The following BPTF variants were observed in gnomAD, a reference collection of about 807,000 sequenced individuals.
BPTF encodes nucleosome-remodeling factor subunit BPTF.
A neutral mutation model predicts 292.5 loss-of-function variants in BPTF; 18 were observed. That is an observed-to-expected ratio of 0.06 (90% CI 0.04 to 0.09). The LOEUF (loss-of-function observed/expected upper bound fraction) is 0.09. Among genes scored for constraint, BPTF ranks in the 10% least tolerant of loss-of-function variants. The pLI is 1.00. For synonymous variants in BPTF, 1,225 were observed against 1,251.9 expected (o/e 0.98, Z 0.45); for missense variants, 2,726 against 3,498.7 (o/e 0.78, Z 5.57).
Position 67,854,278 on chromosome 17 carries a change from C to T in BPTF, c.952C>T (p.Leu318=). 2 of 1,614,214 alleles carry T rather than the reference C, an allele frequency of 1.2e-6. No homozygotes were observed. Among genetic ancestry groups the T allele is most frequent in the East Asian group, 2.2e-5 (1 of 44,892 alleles). ...ADLKDSVNST[L]YFIDGMTWPE... ...TCTGAAAGATAGCGTTAATTCCACA[C>T]TGTATTTCATAGATGGGATGACGTG... The change falls in exon 2 of 28, where the codon CTG becomes TTG. Residue 318 remains leucine (L), a synonymous_variant. Coordinates refer to ENST00000306378, the MANE Select transcript of BPTF (RefSeq NM_182641.4). This position sits in a 1 kb window ranked among gnomAD's most constrained non-coding sequence, Gnocchi z 5.6.
intron 23 of BPTF, among the ~76,000 whole-genome samples, chr17:67,949,237 C>T (rs921312334): frequency 1.3e-5 from 2 of 152,006 alleles, no homozygotes; most frequent in Non-Finnish European, 2.9e-5. Context: ...TGGTGGCATA[C>T]GCCTGTAGTC....
At chr17:67,877,921 A>G (rs2060146349) in intron 4 of BPTF, among the ~76,000 whole-genome samples, 2 of 152,234 alleles carry the variant, frequency 1.3e-5, no homozygotes, top group Admixed American at 1.3e-4. Flanking sequence ...GGCATGAGCT[A>G]CTGCACCCAG....
chr17:67,931,946 C>G lies in BPTF; in HGVS notation c.6186C>G (p.Thr2062=), dbSNP rs751352098. Residue 2062 remains threonine (T), a synonymous_variant, in exon 18 of 28, where the codon ACC becomes ACG. Coordinates refer to ENST00000306378, the MANE Select transcript of BPTF (RefSeq NM_182641.4). ...GGCCTCAGATTCGCCCTGGTATGAC[C>G]GTGATTAGAACACCACTCCAACAGT... ...ITGPQIRPGM[T]VIRTPLQQST... is the part of the protein sequence containing the mutation. 6.2e-7 allele frequency: 1 copy of G among 1,613,724 alleles called. No homozygotes were observed. The highest frequency in any genetic ancestry group is 2.2e-5 in the East Asian group (1 of 44,854).
chr17:67,878,606 A>T (rs2060189350), intron 4 of BPTF, among the ~76,000 whole-genome samples: 1 of 152,114 alleles, frequency 6.6e-6, no homozygotes, highest in Non-Finnish European at 1.5e-5. Flanking sequence ...GCTAGTGGGC[A>T]TGTAGGGATA....
intron 17 of BPTF, among the ~76,000 whole-genome samples, chr17:67,930,459 A>G (rs989440617): frequency 4.6e-5 from 7 of 151,774 alleles, no homozygotes; most frequent in Admixed American, 1.3e-4. Flanking sequence ...TCGGCCTCCC[A>G]AAGTGCTGGG....
Position 67,939,857 on chromosome 17 carries a change from G to A in BPTF, c.6260-582G>A, listed in dbSNP as rs555696137. Among the ~76,000 whole-genome samples the A allele has an allele frequency of 1.1e-4, 16 of 152,338 alleles. No homozygotes were observed. In the East Asian group the frequency reaches 2.5e-3, roughly 24 times the overall value. On this transcript the variant is annotated intron_variant, in intron 18 of 27. Coordinates refer to ENST00000306378, the MANE Select transcript of BPTF (RefSeq NM_182641.4). ...ATCACGCCACCGCACTCCAGCCTGG[G>A]CGACAGAGCGAGACTCCGTCTCAAA...
At position 67,870,360 on chromosome 17, in the gene BPTF, G is replaced by A. The variant is rs111597099; in HGVS notation, c.1660+3673G>A. On this transcript the variant is annotated intron_variant, in intron 3 of 27. Coordinates refer to ENST00000306378, the MANE Select transcript of BPTF (RefSeq NM_182641.4). The stretch of plus-strand genomic sequence containing the variant: ...ATTGTTGGGGAAGAGAAGGGGACAC[G>A]GACATTTTTGGGTGCCTCCTGTGGG... Among the ~76,000 whole-genome samples the A allele has an allele frequency of 1.9e-3, 283 of 151,794 alleles. 2 individuals are homozygous for A. The highest frequency in any genetic ancestry group is 6.3e-3 in the African/African-American group (261 of 41,364).
Position 67,959,645 on chromosome 17 carries a change from T to TCCAGCCCCTCCAGCCCCC in BPTF, c.8048_8049insCCCAGCCCCTCCAGCCCC (p.Ala2679_Pro2684dup). On this transcript the variant is annotated inframe_insertion, in exon 24 of 28. Transcript: ENST00000306378. The stretch of plus-strand genomic sequence containing the variant: ...CCTGCCCCCCAGTGACACCAGCTCC[T>TCCAGCCCCTCCAGCCCCC]CCAGCCCCTCCAGCCCCTCCACCTT... 2 of 1,600,376 alleles carry TCCAGCCCCTCCAGCCCCC rather than the reference T, an allele frequency of 1.2e-6. No individual in the cohort carries two copies. Among genetic ancestry groups the TCCAGCCCCTCCAGCCCCC allele is most frequent in the Non-Finnish European group, 1.7e-6 (2 of 1,174,262 alleles).
At chr17:67,844,801 T>C (rs1002121707) in intron 1 of BPTF, among the ~76,000 whole-genome samples, 3 of 152,168 alleles carry the variant, frequency 2.0e-5, no homozygotes, top group Middle Eastern at 3.4e-3. Context: ...TGGAGTGCAA[T>C]GGCATGATCT....
intron 1 of BPTF, among the ~76,000 whole-genome samples, chr17:67,845,426 C>A (rs1436802847): frequency 6.6e-6 from 1 of 152,198 alleles, no homozygotes; most frequent in Non-Finnish European, 1.5e-5. Flanking sequence ...TTCTTCCTCT[C>A]TCCCTTTGGA....
At position 67,959,724 on chromosome 17, in the gene BPTF, T is replaced by C. The variant is rs1245428019; in HGVS notation, c.8110T>C (p.Leu2704=). The change falls in exon 24 of 28, where the codon TTA becomes CTA. Residue 2704 remains leucine (L), a synonymous_variant. Transcript: ENST00000306378. ...QHTGLLSTPT[L]PAASQKRKRE... ...CACAGGCCTTCTGTCCACGCCCACC[T>C]TACCTGCTGCTTCCCAGAAGAGGAA... 2.5e-6 allele frequency: 4 copies of C among 1,578,632 alleles called. No homozygotes were observed. The highest frequency in any genetic ancestry group is 3.4e-6 in the Non-Finnish European group (4 of 1,162,432).
intron 7 of BPTF, among the ~76,000 whole-genome samples, chr17:67,903,091 A>G (rs1268009721): frequency 1.3e-5 from 2 of 152,232 alleles, no homozygotes; most frequent in East Asian, 1.9e-4. Flanking sequence ...TTAGGTCAAT[A>G]TGGGCCGACC....
At chr17:67,952,601 C>T (rs1206399162) in intron 23 of BPTF, among the ~76,000 whole-genome samples, 14 of 152,246 alleles carry the variant, frequency 9.2e-5, no homozygotes, top group South Asian at 8.3e-4. Context: ...ACGTGCAGAA[C>T]GTACAGTTCC....
intron 18 of BPTF, among the ~76,000 whole-genome samples, chr17:67,933,962 C>T (rs371885163): frequency 6.2e-4 from 94 of 151,432 alleles, no homozygotes; most frequent in African/African-American, 2.0e-3. Context: ...GAGAATTGCT[C>T]GAACTCAGGA....
intron 26 of BPTF, among the ~76,000 whole-genome samples, chr17:67,971,721 T>G (rs1555691058): frequency 6.6e-6 from 1 of 151,558 alleles, no homozygotes; most frequent in Non-Finnish European, 1.5e-5. Flanking sequence ...GGAGAATTGC[T>G]TGAACCCAAG....
rs370159482 is a variant in BPTF at position 67,875,032 on chromosome 17, A to G, written c.1864+12A>G. 6.3e-7 allele frequency: 1 copy of G among 1,591,196 alleles called. No homozygotes were observed. Among genetic ancestry groups the G allele is most frequent in the African/African-American group, 1.4e-5 (1 of 73,484 alleles). ...AGGAAAATCTGAGGGTAAAAAAATT[A>G]CTTGATTAAAAAGAAATATTTCATT... On this transcript the variant is annotated intron_variant, in intron 4 of 27. Transcript: ENST00000306378.
At chr17:67,905,850 G>A (rs375167785) in intron 9 of BPTF, among the ~76,000 whole-genome samples, 1 of 151,802 alleles carries the variant, frequency 6.6e-6, no homozygotes, top group Non-Finnish European at 1.5e-5. Flanking sequence ...AGGTTTTTCA[G>A]TGAGAACATT....
intron 4 of BPTF, chr17:67,886,059 G>A (rs2060729861): frequency 8.5e-7 from 1 of 1,181,314 alleles, no homozygotes; most frequent in Non-Finnish European, 1.2e-6. Context: ...TAAAACAATT[G>A]TCTTTTCTGA....
chr17:67,980,121 A>G (rs1215683774), intron 27 of BPTF, among the ~76,000 whole-genome samples: 9 of 151,150 alleles, frequency 6.0e-5, no homozygotes, highest in Non-Finnish European at 1.2e-4. Flanking sequence ...GAGGTGGGTG[A>G]ATCACTTGAG....
Sources: allele counts gnomAD v4.1 joint callset (sites outside exome capture counted in the v4.1 genomes callset), GRCh38; gene constraint gnomAD v4.1.1; non-coding constraint Gnocchi (gnomAD v3.1); transcripts MANE v1.5; gene names NCBI Gene and HGNC (gene_info 2026-07-23, HGNC 2026-07-21).